The following ACIN1 variants were observed in gnomAD, a reference collection of about 807,000 sequenced individuals.
The protein encoded by ACIN1 is apoptotic chromatin condensation inducer 1.
ACIN1 carries 16 observed loss-of-function variants against 146.6 expected under a neutral mutation model. That is an observed-to-expected ratio of 0.11 (90% CI 0.07 to 0.17). The LOEUF is 0.17. Ranked by LOEUF, ACIN1 falls within the 10% of genes least tolerant of loss-of-function variation. The pLI, the probability that ACIN1 is intolerant of heterozygous loss-of-function variation, is 1.00. For missense variants in ACIN1, 1,357 were observed against 1,609.3 expected (o/e 0.84, Z 2.68); for synonymous variants, 569 against 582.7 (o/e 0.98, Z 0.34).
intron 1 of ACIN1, among the ~76,000 whole-genome samples, chr14:23,094,017 A>C (rs1440245684): frequency 7.6e-5 from 6 of 79,288 alleles, no homozygotes; most frequent in African/African-American, 3.5e-4. Context: ...TGGCACCTAG[A>C]TTTATCAAAT....
In ACIN1 at chr14:23,079,666, C is replaced by G. The variant is rs2047892526; in HGVS notation, c.1669G>C (p.Ala557Pro). The G allele has an allele frequency of 6.2e-7, 1 of 1,614,130 alleles. No individual in the cohort carries two copies. Among genetic ancestry groups the G allele is most frequent in the African/African-American group, 1.3e-5 (1 of 75,020 alleles). The stretch of plus-strand genomic sequence containing the variant: ...GGGTTGGCATGAGTACGTGCCTGGG[C>G]TACATCTCTCTGCTTGGATCTGAGC... ...SPLRSKQRDVAQARTHANPRG... is the reference protein window; with the variant it reads ...SPLRSKQRDVPQARTHANPRG... Residue 557 changes from alanine to proline, a missense_variant, in exon 6 of 19, where the codon GCC (alanine) becomes CCC (proline). Coordinates refer to ENST00000605057, the MANE Select transcript of ACIN1 (RefSeq NM_001386863.1).
chr14:23,078,703 C>CA (rs1191437538), intron 7 of ACIN1, 117 bp downstream of exon 7: 27 of 1,079,786 alleles, frequency 2.5e-5, no homozygotes, highest in Non-Finnish European at 3.4e-5. Flanking sequence ...AACAGGTATC[C>CA]ACCACATTTC....
At chr14:23,093,567 T>G (rs2048282765) in intron 1 of ACIN1, 23 bp from the exon 2 acceptor site, 1 of 1,603,862 alleles carries the variant, frequency 6.2e-7, no homozygotes. Flanking sequence ...AGGGTAAAAG[T>G]CAGAAATGAT....
intron 18 of ACIN1, 90 bp downstream of exon 18, chr14:23,060,994 G>C: frequency 7.9e-7 from 1 of 1,259,474 alleles, no homozygotes; most frequent in Non-Finnish European, 1.2e-6. Context: ...TACTTGGGCC[G>C]ACTCACTCTC....
chr14:23,059,260 T>G lies in ACIN1; in HGVS notation c.3740A>C (p.Asp1247Ala). The G allele has an allele frequency of 6.2e-7, 1 of 1,611,930 alleles. No homozygotes were observed. The highest frequency in any genetic ancestry group is 8.5e-7 in the Non-Finnish European group (1 of 1,178,110). ...RERDRGDRDR[D>A]RERDRERGRE... ...GCCTCGTTCTCGGTCCCTTTCCCTA[T>G]CCCGATCTCGGTCCCCCCTGTCCCG... Residue 1247 changes from aspartate (D) to alanine (A), a missense_variant, in exon 19 of 19, where the codon GAT (aspartate) becomes GCT (alanine). Transcript: ENST00000605057.
rs2047904179 is a variant in ACIN1, at chr14:23,080,122, C to T, written c.1213G>A (p.Glu405Lys). 1 of 1,614,096 alleles carries T rather than the reference C, an allele frequency of 6.2e-7. No individual in the cohort carries two copies. The highest frequency in any genetic ancestry group is 8.5e-7 in the Non-Finnish European group (1 of 1,180,006). The change falls in exon 6 of 19, where the codon GAG becomes AAG. Residue 405 changes from glutamate (E) to lysine (K), a missense_variant. Transcript: ENST00000605057. ...SPPNTDADTR[E>K]LLVSQHTVQL... ...ACAGTATGCTGAGATACTAATAGCT[C>T]CCTGGTGTCAGCATCTGTATTAGGA...
Position 23,080,041 on chromosome 14 carries a change from A to T in ACIN1, c.1294T>A (p.Ser432Thr). Residue 432 changes from serine to threonine, a missense_variant, in exon 6 of 19, where the codon TCT becomes ACT. Ser to Thr is a moderately conservative substitution (Grantham distance 58). Around this residue, in one of 4 missense-constraint regions of ACIN1, gnomAD observed 771 missense variants for 746.6 expected, o/e 1.03. Transcript: ENST00000605057. ...LSSPSDTKAE[S>T]PAEKVPEESV... ...TCCTCTGGCACTTTCTCTGCTGGAG[A>T]TTCTGCTTTGGTGTCTGAAGGACTT... 1 of 1,614,082 alleles carries T rather than the reference A, an allele frequency of 6.2e-7. No homozygotes were observed. Among genetic ancestry groups the T allele is most frequent in the Non-Finnish European group, 8.5e-7 (1 of 1,180,008 alleles).
intron 8 of ACIN1, among the ~76,000 whole-genome samples, chr14:23,077,320 C>T (rs1384709774): frequency 6.6e-6 from 1 of 152,080 alleles, no homozygotes; most frequent in Non-Finnish European, 1.5e-5. Flanking sequence ...TTTAGGCTAA[C>T]AGTCTACACA....
At chr14:23,086,919 G>A (rs2048103969) in intron 4 of ACIN1, among the ~76,000 whole-genome samples, 1 of 152,166 alleles carries the variant, frequency 6.6e-6, no homozygotes, top group Non-Finnish European at 1.5e-5. Context: ...TTGGTCAACA[G>A]AACCACTCAG....
At chr14:23,070,888 C>G (rs186495945) in intron 8 of ACIN1, among the ~76,000 whole-genome samples, 18 of 152,138 alleles carry the variant, frequency 1.2e-4, no homozygotes, top group African/African-American at 4.3e-4. Context: ...CAGAGAAACA[C>G]GAGATTTAGC....
chr14:23,068,626 GT>G lies in ACIN1; in HGVS notation c.2265+849del, dbSNP rs1594753457. The G allele has an allele frequency of 1.0e-6, 1 of 985,972 alleles. No homozygotes were observed. Among genetic ancestry groups the G allele is most frequent in the South Asian group, 4.7e-5 (1 of 21,290 alleles). 61.1% of individuals were successfully genotyped at this position (985,972 alleles called of 1,614,324 possible). On this transcript the variant is annotated intron_variant, in intron 9 of 18. Coordinates refer to ENST00000605057, the MANE Select transcript of ACIN1 (RefSeq NM_001386863.1). The surrounding 1 kb of genome is among the most constrained non-coding windows in gnomAD (Gnocchi z 4.3). ...AAGAGGCGGCATCAGCGATTGGCCAGTTGGGCAGGGTTATATTTTACGGGCG... is the reference window on the plus strand; with the variant it reads ...AAGAGGCGGCATCAGCGATTGGCCAGTGGGCAGGGTTATATTTTACGGGCG...
At chr14:23,075,323 C>CTTTG (rs1026314182) in intron 8 of ACIN1, among the ~76,000 whole-genome samples, 3 of 133,348 alleles carry the variant, frequency 2.2e-5, no homozygotes, top group Admixed American at 7.6e-5. Flanking sequence ...CTTTCTTCCC[C>CTTTG]TTTTTTTTTT....
In ACIN1 at chr14:23,063,833, T is replaced by A. The variant is rs528317544; in HGVS notation, c.2596-256A>T. Reference sequence around the variant, plus strand: ...ACTTCAGGTTTTGCAGGCCACATAGTTTGTTGCAACTACTCAACTCTGGTG... The same window carrying A: ...ACTTCAGGTTTTGCAGGCCACATAGATTGTTGCAACTACTCAACTCTGGTG... On this transcript the variant is annotated intron_variant, in intron 12 of 18. Coordinates refer to ENST00000605057, the MANE Select transcript of ACIN1 (RefSeq NM_001386863.1). 2.0e-5 allele frequency among the ~76,000 whole-genome samples: 3 copies of A among 152,308 alleles called. No homozygotes were observed. The South Asian group carries it at 6.2e-4, about 32-fold the overall frequency.
In ACIN1 at chr14:23,095,091, TCACCTCCTC is replaced by T. The variant is rs753414474; in HGVS notation, c.13_21del (p.Glu5_Val7del). 9 of 1,614,054 alleles carry T rather than the reference TCACCTCCTC, an allele frequency of 5.6e-6. No individual in the cohort carries two copies. Among genetic ancestry groups the T allele is most frequent in the Non-Finnish European group, 7.6e-6 (9 of 1,180,036 alleles). On this transcript the variant is annotated inframe_deletion, in exon 1 of 19. Coordinates refer to ENST00000605057, the MANE Select transcript of ACIN1 (RefSeq NM_001386863.1). ...GCCTGAAGAGGCTTCCCGTCCAGAG[TCACCTCCTC>T]CAGCTCCGCCATCTTGCGTGAGGTA...
rs762302314 is a variant in ACIN1 at position 23,090,094 on chromosome 14, T to G, written c.324A>C (p.Ser108=). 2 of 1,613,926 alleles carry G rather than the reference T, an allele frequency of 1.2e-6. No individual in the cohort carries two copies. The highest frequency in any genetic ancestry group is 1.7e-6 in the Non-Finnish European group (2 of 1,179,936). ...AREAAELEEA[S]AESEDEMIHP... is the part of the protein sequence containing the mutation. ...GGATCATCTCGTCCTCCGACTCAGCTGAAGCTTCTGCAAAGTACAGATCGG... is the reference window on the plus strand; with the variant it reads ...GGATCATCTCGTCCTCCGACTCAGCGGAAGCTTCTGCAAAGTACAGATCGG... The change falls in exon 4 of 19, where the codon TCA becomes TCC. Residue 108 remains serine (S), a synonymous_variant. Coordinates refer to ENST00000605057, the MANE Select transcript of ACIN1 (RefSeq NM_001386863.1).
chr14:23,090,742 G>A (rs2048208108), intron 2 of ACIN1, 109 bp from the exon 3 acceptor site: 1 of 748,304 alleles, frequency 1.3e-6, no homozygotes, highest in Non-Finnish European at 2.1e-6. Context: ...GCCCAAGAAA[G>A]ATAACTAAAA....
At chr14:23,079,423 G>T (rs1378208741) in intron 6 of ACIN1, 124 bp downstream of exon 6, 2 of 1,454,518 alleles carry the variant, frequency 1.4e-6, no homozygotes, top group African/African-American at 2.8e-5. Flanking sequence ...AGTAATCAGT[G>T]AAGGAGAGTA....
In ACIN1 at chr14:23,068,489, A is replaced by T. The variant is rs2047525510; in HGVS notation, c.2265+987T>A. The T allele has an allele frequency of 1.0e-6, 1 of 985,768 alleles. No individual in the cohort carries two copies. Among genetic ancestry groups the T allele is most frequent in the African/African-American group, 1.7e-5 (1 of 57,204 alleles). The allele number at this position is 985,768 out of a possible 1,614,324, so 61.1% of individuals were successfully genotyped here. ...CCTGATGTAAGCAAGACAGGGAGGC[A>T]AAAGGGGGCCCATCACAGGAGCCCA... On this transcript the variant is annotated intron_variant, in intron 9 of 18. Transcript: ENST00000605057. The surrounding 1 kb of genome is among the most constrained non-coding windows in gnomAD (Gnocchi z 4.3).
At chr14:23,095,555 G>T (rs1353601407), upstream of ACIN1, 5 of 476,300 alleles carry the variant, frequency 1.0e-5, no homozygotes, top group Admixed American at 1.2e-4. Context: ...TTTGGAAGCT[G>T]CCGCAGTAGT....
Sources: gnomAD v4.1 joint callset for allele counts (sites outside exome capture counted in the v4.1 genomes callset) on GRCh38, gnomAD v4.1.1 for gene constraint, gnomAD v4.1.1 regional missense constraint, Gnocchi (gnomAD v3.1) non-coding constraint, MANE v1.5 for transcripts, NCBI Gene and HGNC (gene_info 2026-07-23, HGNC 2026-07-21) for gene names.